CGGBP1: variants seen among roughly 807,000 people sequenced by gnomAD.
CGGBP1 encodes CGG triplet repeat-binding protein 1.
Under a neutral mutation model 11.4 loss-of-function variants are expected in CGGBP1, and 4 were observed. The ratio of observed to expected loss-of-function variants is 0.35; its 90% CI spans 0.17 to 0.80. The LOEUF (loss-of-function observed/expected upper bound fraction) is 0.80. CGGBP1 is among the 30% of genes least tolerant of loss of function. CGGBP1 has a pLI of 0.52. For synonymous variants in CGGBP1, 76 were observed against 74.1 expected (o/e 1.03, Z -0.13); for missense variants, 135 against 202.1 (o/e 0.67, Z 2.01).
intron 1 of CGGBP1, among the ~76,000 whole-genome samples, chr3:88,148,451 T>C (rs1707348118): frequency 6.6e-6 from 1 of 152,170 alleles, no homozygotes; most frequent in African/African-American, 2.4e-5. Context: ...AAAAGCTCCT[T>C]GAAGAAAGGT....
intron 2 of CGGBP1, chr3:88,086,483 A>G (rs1284796843): frequency 8.2e-7 from 1 of 1,222,266 alleles, no homozygotes; most frequent in Non-Finnish European, 1.1e-6. Context: ...TCTTCTGAAG[A>G]AGAAACCTTT....
intron 2 of CGGBP1, chr3:88,140,771 T>A (rs562938008): frequency 6.2e-7 from 1 of 1,613,732 alleles, no homozygotes; most frequent in Admixed American, 1.7e-5. Flanking sequence ...ATCTGACAAG[T>A]GAACATACTT....
At position 88,116,543 on chromosome 3, in the gene CGGBP1, T is replaced by TA. The variant is rs948389721; in HGVS notation, c.-229+24426dup. The stretch of plus-strand genomic sequence containing the variant: ...CTGTCTCAAAAGAAAAAAAAATACA[T>TA]ACATACATACATATATATACACACA... On this transcript the variant is annotated intron_variant, in intron 2 of 3. Coordinates refer to the CGGBP1 transcript ENST00000462901. 1.3e-4 allele frequency among the ~76,000 whole-genome samples: 10 copies of TA among 79,890 alleles called. No individual in the cohort carries two copies. In the Middle Eastern group the frequency reaches 0.026, roughly 208 times the overall value. The allele number at this position is 79,890 out of a possible 152,430, so 52.4% of individuals were successfully genotyped here. A position where few individuals can be genotyped will look rare whatever the true frequency, so the allele number is the denominator to read the frequency against.
chr3:88,117,638 G>T (rs1705490453), intron 2 of CGGBP1, among the ~76,000 whole-genome samples: 1 of 152,068 alleles, frequency 6.6e-6, no homozygotes. Flanking sequence ...TTTTATTATG[G>T]TTATCATGAA....
chr3:88,054,859 A>G lies in CGGBP1; in HGVS notation c.*614T>C, dbSNP rs1447832545. 1 of 152,656 alleles carries G rather than the reference A, an allele frequency of 6.6e-6. No individual in the cohort carries two copies. Among genetic ancestry groups the G allele is most frequent in the East Asian group, 1.9e-4 (1 of 5,190 alleles). The allele number at this position is 152,656 out of a possible 1,614,324, so 9.5% of individuals were successfully genotyped here. A position where few individuals can be genotyped will look rare whatever the true frequency, so the allele number is the denominator to read the frequency against. On this transcript the variant is annotated 3_prime_UTR_variant, in exon 4 of 4. Transcript: ENST00000482016. ...CTTTTGGTCACTTGAAGCTGCTACAAAATACAACAATAAGCCTTTAAAATG... is the reference window on the plus strand; with the variant it reads ...CTTTTGGTCACTTGAAGCTGCTACAGAATACAACAATAAGCCTTTAAAATG...
chr3:88,090,390 C>A (rs568642798), intron 2 of CGGBP1, among the ~76,000 whole-genome samples: 161 of 150,786 alleles, frequency 1.1e-3, no homozygotes, highest in African/African-American at 3.8e-3. Flanking sequence ...ATGTAAAATA[C>A]AAAAATGAAA....
At chr3:88,098,556 G>T (rs969105853) in intron 2 of CGGBP1, among the ~76,000 whole-genome samples, 2 of 152,126 alleles carry the variant, frequency 1.3e-5, no homozygotes, top group Non-Finnish European at 2.9e-5. Context: ...CAATACCCTT[G>T]ATGAACATTG....
chr3:88,054,332 G>A lies in CGGBP1; in HGVS notation c.*1141C>T, dbSNP rs1259984293. On this transcript the variant is annotated 3_prime_UTR_variant, in exon 4 of 4. Coordinates refer to ENST00000482016, the MANE Select transcript of CGGBP1 (RefSeq NM_001008390.2). ...CTTACAGGATAGTGAGGTTCAAACAGAGATCATTTCCTGAACATGGCTGAT... is the reference window on the plus strand; with the variant it reads ...CTTACAGGATAGTGAGGTTCAAACAAAGATCATTTCCTGAACATGGCTGAT... 1 of 152,274 alleles carries A rather than the reference G, an allele frequency of 6.6e-6. No individual in the cohort carries two copies. 9.4% of individuals were successfully genotyped at this position (152,274 alleles called of 1,614,324 possible). A position where few individuals can be genotyped will look rare whatever the true frequency, so the allele number is the denominator to read the frequency against.
intron 2 of CGGBP1, chr3:88,126,377 T>C (rs551879394): frequency 3.0e-5 from 34 of 1,137,382 alleles, no homozygotes; most frequent in Non-Finnish European, 3.8e-5. Context: ...TAATACTGAA[T>C]AATGGGAGTG....
At chr3:88,129,333 A>AC (rs1706305478) in intron 2 of CGGBP1, among the ~76,000 whole-genome samples, 1 of 150,786 alleles carries the variant, frequency 6.6e-6, no homozygotes, top group Non-Finnish European at 1.5e-5. Flanking sequence ...AAAAAAAAAA[A>AC]AAAAAAAAAA....
chr3:88,112,533 C>T (rs200719823), intron 2 of CGGBP1, among the ~76,000 whole-genome samples: 1 of 8,940 alleles, frequency 1.1e-4, no homozygotes, highest in Non-Finnish European at 6.8e-4. Context: ...GGAGGAACTA[C>T]AGAATTTGAG....
chr3:88,059,090 A>G (rs544836700), upstream of CGGBP1: 61 of 807,758 alleles, frequency 7.6e-5, no homozygotes, highest in Middle Eastern at 1.9e-3. Flanking sequence ...TGTCGATTTC[A>G]CCAATAGTAG....
At chr3:88,126,454 C>T (rs1420951168) in intron 2 of CGGBP1, among the ~76,000 whole-genome samples, 1 of 151,756 alleles carries the variant, frequency 6.6e-6, no homozygotes, top group African/African-American at 2.4e-5. Flanking sequence ...ACACCTGGAT[C>T]GGTACATTTA....
At chr3:88,078,082 A>G (rs770093026) in intron 2 of CGGBP1, among the ~76,000 whole-genome samples, 6 of 152,064 alleles carry the variant, frequency 3.9e-5, no homozygotes, top group Non-Finnish European at 8.8e-5. Context: ...CAAGTATAAT[A>G]CTCTTTACAT....
chr3:88,101,294 A>T (rs575931464), intron 2 of CGGBP1, among the ~76,000 whole-genome samples: 100 of 152,296 alleles, frequency 6.6e-4, no homozygotes, highest in African/African-American at 2.3e-3. Context: ...GTGCCTACCC[A>T]GCTCAAGGCA....
chr3:88,088,241 G>GCTCC (rs370487748), intron 2 of CGGBP1, among the ~76,000 whole-genome samples: 3 of 151,980 alleles, frequency 2.0e-5, no homozygotes, highest in African/African-American at 7.2e-5. Context: ...TGCTCATAGG[G>GCTCC]CTCCCAATTA....
chr3:88,096,561 T>C (rs1284897937), intron 2 of CGGBP1, among the ~76,000 whole-genome samples: 3 of 152,148 alleles, frequency 2.0e-5, no homozygotes, highest in Non-Finnish European at 4.4e-5. Context: ...GAATTTTAGA[T>C]TGGCAATTTT....
Position 88,139,986 on chromosome 3 carries a change from A to G in CGGBP1, c.-229+984T>C, listed in dbSNP as rs769937412. ...TAAACATGCAATGACCGTACATCCA[A>G]CCGATTTAAATGTGCGACAAACAGT... On this transcript the variant is annotated intron_variant, in intron 2 of 3. Coordinates refer to the CGGBP1 transcript ENST00000462901. 2.9e-5 allele frequency: 46 copies of G among 1,613,794 alleles called. No homozygotes were observed. Among genetic ancestry groups the G allele is most frequent in the Admixed American group, 5.0e-5 (3 of 59,958 alleles).
intron 2 of CGGBP1, among the ~76,000 whole-genome samples, chr3:88,067,641 G>T (rs2107602611): frequency 6.6e-6 from 1 of 152,334 alleles, no homozygotes; most frequent in Non-Finnish European, 1.5e-5. Flanking sequence ...AATGTTTTAG[G>T]ATGGGGTGAA....
Sources: gnomAD v4.1 joint callset for allele counts (sites outside exome capture counted in the v4.1 genomes callset) on GRCh38, gnomAD v4.1.1 for gene constraint, MANE v1.5 for transcripts, NCBI Gene and HGNC (gene_info 2026-07-23, HGNC 2026-07-21) for gene names.